Variants in PIP5K1C observed in about 807,000 individuals in gnomAD.
PIP5K1C encodes the protein phosphatidylinositol-4-phosphate 5-kinase type 1 gamma, also known as phosphatidylinositol 4-phosphate 5-kinase type-1 gamma.
PIP5K1C carries 45 observed loss-of-function variants against 80.1 expected under a neutral mutation model. The observed-to-expected ratio is 0.56, with a 90% CI of 0.44 to 0.72. The LOEUF (loss-of-function observed/expected upper bound fraction) is 0.72, where lower values mean the gene tolerates loss of function less well. Ranked by LOEUF, PIP5K1C falls within the 30% of genes least tolerant of loss-of-function variation. PIP5K1C has a pLI of 0.00. For missense variants in PIP5K1C, 753 were observed against 954.6 expected, an observed-to-expected ratio of 0.79 and a Z score of 2.78; for synonymous variants, 498 against 420.1, an observed-to-expected ratio of 1.19 and a Z score of -2.27.
Position 3,681,439 on chromosome 19 carries a change from C to T in PIP5K1C, c.95-14086G>A, listed in dbSNP as rs545494731. ...TAGCGACGGAATTTTGCCATGTTGG[C>T]CAGGCTGATCTCGAACTCCTGACCT... On this transcript the variant is annotated intron_variant, in intron 1 of 17. Coordinates refer to ENST00000335312, the MANE Select transcript of PIP5K1C (RefSeq NM_012398.3). Among the ~76,000 whole-genome samples the T allele has an allele frequency of 5.3e-4, 80 of 152,150 alleles. 1 individual carries two copies. The highest frequency in any genetic ancestry group is 1.7e-3 in the African/African-American group (70 of 41,504).
In PIP5K1C at chr19:3,648,792, G is replaced by A. The variant is rs1430126673; in HGVS notation, c.1128-84C>T. Reference sequence around the variant, plus strand: ...CGGGGCTGGGGACTCCAGGGCTAGGGAGTCCATCTGCTCCTGTGGGTGGCA... The same window carrying A: ...CGGGGCTGGGGACTCCAGGGCTAGGAAGTCCATCTGCTCCTGTGGGTGGCA... On this transcript the variant is annotated intron_variant, in intron 8 of 17. Transcript: ENST00000335312. The surrounding 1 kb of genome is among the most constrained non-coding windows in gnomAD (Gnocchi z 4.3). The A allele has an allele frequency of 1.7e-5, 20 of 1,154,808 alleles. No individual in the cohort carries two copies. Among genetic ancestry groups the A allele is most frequent in the Non-Finnish European group, 2.6e-5 (20 of 773,304 alleles). 71.5% of individuals were successfully genotyped at this position (1,154,808 alleles called of 1,614,324 possible).
At chr19:3,668,028 C>T (rs899610078) in intron 1 of PIP5K1C, among the ~76,000 whole-genome samples, 2 of 152,176 alleles carry the variant, frequency 1.3e-5, no homozygotes, top group Non-Finnish European at 1.5e-5. Flanking sequence ...AGAGAGGCTG[C>T]GAGGGGACCC....
intron 6 of PIP5K1C, 135 bp from the exon 7 acceptor site, chr19:3,653,724 G>T (rs1164618379): frequency 1.2e-6 from 1 of 808,168 alleles, no homozygotes; most frequent in Non-Finnish European, 1.9e-6. Context: ...AGCCCTCGGG[G>T]ACCCCGTTCC....
intron 1 of PIP5K1C, among the ~76,000 whole-genome samples, chr19:3,678,029 G>A (rs1324697418): frequency 7.7e-6 from 1 of 130,232 alleles, no homozygotes; most frequent in African/African-American, 3.1e-5. Context: ...AGAGACGGAG[G>A]GATGGAGAAT....
chr19:3,655,615 C>T (rs1327979922), intron 6 of PIP5K1C, among the ~76,000 whole-genome samples: 1 of 152,214 alleles, frequency 6.6e-6, no homozygotes, highest in Non-Finnish European at 1.5e-5. Context: ...AGCACACTGG[C>T]TCGCAGAGCC....
rs574508045 is a variant in PIP5K1C at position 3,630,574 on chromosome 19, C to G, written c.*2593G>C. ...GGGACTGAGGGCTGTGGAGACAGTA[C>G]CATGGTGAAGGACCCCATGGCAATG... On this transcript the variant is annotated 3_prime_UTR_variant, in exon 18 of 18. Transcript: ENST00000335312. 1 of 152,466 alleles carries G rather than the reference C, an allele frequency of 6.6e-6. No individual in the cohort carries two copies. The highest frequency in any genetic ancestry group is 2.4e-5 in the African/African-American group (1 of 41,434). The allele number at this position is 152,466 out of a possible 1,614,324, so 9.4% of individuals were successfully genotyped here. A position where few individuals can be genotyped will look rare whatever the true frequency, so the allele number is the denominator to read the frequency against.
chr19:3,680,188 G>A (rs1049204116), intron 1 of PIP5K1C, among the ~76,000 whole-genome samples: 3 of 152,164 alleles, frequency 2.0e-5, no homozygotes, highest in Non-Finnish European at 2.9e-5. Flanking sequence ...CTGTTGGCTC[G>A]TTCATCCGTT....
At chr19:3,643,037 C>T in intron 13 of PIP5K1C, 98 bp from the exon 14 acceptor site, 1 of 1,502,478 alleles carries the variant, frequency 6.7e-7, no homozygotes, top group Non-Finnish European at 9.3e-7. Flanking sequence ...TGCCCCCTGG[C>T]AGCCCTGCCC....
intron 7 of PIP5K1C, among the ~76,000 whole-genome samples, chr19:3,652,645 A>G (rs1419983022): frequency 2.0e-5 from 3 of 152,238 alleles, no homozygotes; most frequent in Non-Finnish European, 4.4e-5. Flanking sequence ...AGGCAGAGGA[A>G]GAGCCGTGCA....
Position 3,688,386 on chromosome 19 carries a change from G to GA in PIP5K1C, c.94+11910dup, listed in dbSNP as rs1442323291. ...TCCTGTTCCTCACCTGCGAGGGGGG[G>GA]ACGGCCTCTGGCCCCCTGCTGTGGG... On this transcript the variant is annotated intron_variant, in intron 1 of 17. Transcript: ENST00000335312. The surrounding 1 kb of genome is among the most constrained non-coding windows in gnomAD (Gnocchi z 5.3). Among the ~76,000 whole-genome samples, 3 of 152,302 alleles carry GA rather than the reference G, an allele frequency of 2.0e-5. No individual in the cohort carries two copies. The highest frequency in any genetic ancestry group is 7.2e-5 in the African/African-American group (3 of 41,572).
chr19:3,653,347 G>C lies in PIP5K1C; in HGVS notation c.864C>G (p.Leu288=), dbSNP rs1366140335. 1.2e-6 allele frequency: 2 copies of C among 1,611,752 alleles called. No homozygotes were observed. The highest frequency in any genetic ancestry group is 3.3e-5 in the Admixed American group (2 of 60,008). The stretch of plus-strand genomic sequence containing the variant: ...CGCTGAAGGTGTCGGCGTCCAGCAG[G>C]AGCCCCTCGGGCATGTCCTGCATGA... ...LDFMQDMPEG[L]LLDADTFSAL... Residue 288 remains leucine (L), a synonymous_variant, in exon 7 of 18, where the codon CTC becomes CTG. Transcript: ENST00000335312.
At position 3,631,869 on chromosome 19, in the gene PIP5K1C, G is replaced by T. The variant is rs1357302624; in HGVS notation, c.*1298C>A. 1 of 152,272 alleles carries T rather than the reference G, an allele frequency of 6.6e-6. No homozygotes were observed. Among genetic ancestry groups the T allele is most frequent in the Non-Finnish European group, 1.5e-5 (1 of 68,082 alleles). The allele number at this position is 152,272 out of a possible 1,614,324, so 9.4% of individuals were successfully genotyped here. A position where few individuals can be genotyped will look rare whatever the true frequency, so the allele number is the denominator to read the frequency against. On this transcript the variant is annotated 3_prime_UTR_variant, in exon 18 of 18. Coordinates refer to ENST00000335312, the MANE Select transcript of PIP5K1C (RefSeq NM_012398.3). Reference sequence around the variant, plus strand: ...CTGGAGAGGAATTCTTCCCAAAGGTGCAGCTTCCACTCCAGCTCCTCACAT... The same window carrying T: ...CTGGAGAGGAATTCTTCCCAAAGGTTCAGCTTCCACTCCAGCTCCTCACAT...
Position 3,630,767 on chromosome 19 carries a change from G to A in PIP5K1C, c.*2400C>T, listed in dbSNP as rs1012012209. ...TTTGGACACTGCCCACGTTCTCAGT[G>A]GACAGCAGCCATCAGAGGTGACCCA... On this transcript the variant is annotated 3_prime_UTR_variant, in exon 18 of 18. Coordinates refer to ENST00000335312, the MANE Select transcript of PIP5K1C (RefSeq NM_012398.3). The A allele has an allele frequency of 4.6e-5, 7 of 152,214 alleles. No homozygotes were observed. The highest frequency in any genetic ancestry group is 1.2e-4 in the African/African-American group (5 of 41,420). The allele number at this position is 152,214 out of a possible 1,614,324, so 9.4% of individuals were successfully genotyped here. A position where few individuals can be genotyped will look rare whatever the true frequency, so the allele number is the denominator to read the frequency against.
chr19:3,643,845 T>C (rs1169371858), intron 12 of PIP5K1C, among the ~76,000 whole-genome samples: 8 of 152,090 alleles, frequency 5.3e-5, no homozygotes, highest in Non-Finnish European at 1.0e-4. Flanking sequence ...CAGATGACAG[T>C]GGCCGTGAGA....
chr19:3,672,402 C>G (rs761528093), intron 1 of PIP5K1C, among the ~76,000 whole-genome samples: 1 of 152,236 alleles, frequency 6.6e-6, no homozygotes, highest in Admixed American at 6.5e-5. Context: ...AGCCTGGGGG[C>G]TCCCTCAGGA....
At chr19:3,699,641 G>T (rs751048216) in intron 1 of PIP5K1C, among the ~76,000 whole-genome samples, 4 of 152,194 alleles carry the variant, frequency 2.6e-5, no homozygotes, top group Non-Finnish European at 5.9e-5. Context: ...CAGAAGGGAA[G>T]GCCCAGCTGC....
At chr19:3,641,559 A>T in intron 15 of PIP5K1C, 146 bp downstream of exon 15, 1 of 694,136 alleles carries the variant, frequency 1.4e-6, no homozygotes, top group Non-Finnish European at 2.6e-6. Flanking sequence ...CCCTTCAATC[A>T]AAAAATAAAC....
At chr19:3,650,940 G>A (rs1454707017) in intron 8 of PIP5K1C, among the ~76,000 whole-genome samples, 3 of 152,080 alleles carry the variant, frequency 2.0e-5, no homozygotes, top group African/African-American at 7.2e-5. Context: ...GTATTAAGCA[G>A]AGATGGGGTT....
At position 3,664,900 on chromosome 19, in the gene PIP5K1C, C is replaced by T. The variant is rs886309790; in HGVS notation, c.141G>A (p.Thr47=). The T allele has an allele frequency of 1.9e-5, 30 of 1,612,916 alleles. No individual in the cohort carries two copies. The highest frequency in any genetic ancestry group is 2.2e-5 in the South Asian group (2 of 91,076). The change falls in exon 3 of 18, where the codon ACG becomes ACA. Residue 47 remains threonine, a synonymous_variant. Coordinates refer to ENST00000335312, the MANE Select transcript of PIP5K1C (RefSeq NM_012398.3). ...KAAPTEVLSM[T]AQPGPGHGKK... is the part of the protein sequence containing the mutation. ...TCCCATGGCCAGGGCCCGGCTGTGC[C>T]GTCATGGACAGAACCTGGGAAGAGG...
Sources: allele counts gnomAD v4.1 joint callset (sites outside exome capture counted in the v4.1 genomes callset), GRCh38; gene constraint gnomAD v4.1.1; non-coding constraint Gnocchi (gnomAD v3.1); transcripts MANE v1.5; gene names NCBI Gene and HGNC (gene_info 2026-07-23, HGNC 2026-07-21).